Variants in EWSR1 observed in about 807,000 individuals in gnomAD.
EWSR1 encodes the protein RNA-binding protein EWS.
Under a neutral mutation model 92.1 loss-of-function variants are expected in EWSR1, and 14 were observed. That is an observed-to-expected ratio of 0.15 (90% CI 0.10 to 0.24). The LOEUF (loss-of-function observed/expected upper bound fraction) is 0.24, where lower values mean the gene tolerates loss of function less well. EWSR1 is among the 10% of genes least tolerant of loss of function. EWSR1 has a pLI of 1.00. For synonymous variants in EWSR1, 303 were observed against 292.9 expected (o/e 1.03, Z -0.35); for missense variants, 637 against 870.9 (o/e 0.73, Z 3.38).
chr22:29,289,510 C>T, intron 8 of EWSR1: 1 of 232,788 alleles, frequency 4.3e-6, no homozygotes, highest in Non-Finnish European at 8.5e-6. Context: ...CCTCCCTTCT[C>T]CCATCCCCTT....
intron 4 of EWSR1, chr22:29,276,874 A>T (rs2059163111): frequency 8.7e-6 from 2 of 230,522 alleles, no homozygotes; most frequent in Non-Finnish European, 1.7e-5. Context: ...GTGGTCTCTA[A>T]CTCCTAAACT....
intron 4 of EWSR1, chr22:29,277,668 C>T (rs1365167281): frequency 4.1e-6 from 1 of 245,666 alleles, no homozygotes; most frequent in African/African-American, 2.2e-5. Flanking sequence ...AGTTTGTTTA[C>T]AAACTTGTTA....
chr22:29,283,052 G>A (rs1012897609), intron 6 of EWSR1, among the ~76,000 whole-genome samples: 1 of 152,102 alleles, frequency 6.6e-6, no homozygotes, highest in African/African-American at 2.4e-5. Flanking sequence ...GTGAGCCACC[G>A]CACCCGGCCC....
At chr22:29,289,890 C>G (rs985657102) in intron 8 of EWSR1, 2 of 230,338 alleles carry the variant, frequency 8.7e-6, no homozygotes, top group Non-Finnish European at 1.7e-5. Context: ...TTTAATGATT[C>G]GGTATGAAGT....
chr22:29,270,046 C>CT (rs2058539085), intron 1 of EWSR1, among the ~76,000 whole-genome samples: 2 of 152,152 alleles, frequency 1.3e-5, no homozygotes, highest in African/African-American at 4.8e-5. Context: ...AGAAGTTAGG[C>CT]TAGACCTCTT....
Position 29,275,892 on chromosome 22 carries a change from GTTTTC to G in EWSR1, c.226+2033_226+2037del, listed in dbSNP as rs763698446. 3.7e-3 allele frequency: 849 copies of G among 227,108 alleles called. 2 individuals are homozygous for G. Among genetic ancestry groups the G allele is most frequent in the Non-Finnish European group, 5.2e-3 (606 of 115,988 alleles). The allele number at this position is 227,108 out of a possible 1,614,324, so 14.1% of individuals were successfully genotyped here. On this transcript the variant is annotated intron_variant, in intron 4 of 16. Coordinates refer to ENST00000397938, the MANE Select transcript of EWSR1 (RefSeq NM_005243.4). ...CAAGTTGTCAGCACATAGTAGGTGT[GTTTTC>G]TTTTTTTGCCACTGGTCTTTTGTTT...
rs761252899 is a variant in EWSR1, at chr22:29,299,230, G to A, written c.1581-4G>A. On this transcript the variant is annotated splice_region_variant and splice_polypyrimidine_tract_variant and intron_variant, in intron 14 of 16. Coordinates refer to ENST00000397938, the MANE Select transcript of EWSR1 (RefSeq NM_005243.4). The stretch of plus-strand genomic sequence containing the variant: ...GATTTCTGCTGTGATGTAATTGTAT[G>A]CAGGGGTTGTGGAAACCAGAACTTC... 1 of 1,614,074 alleles carries A rather than the reference G, an allele frequency of 6.2e-7. No homozygotes were observed. Among genetic ancestry groups the A allele is most frequent in the African/African-American group, 1.3e-5 (1 of 75,030 alleles).
Position 29,292,837 on chromosome 22 carries a change from C to T in EWSR1, c.1164+231C>T, listed in dbSNP as rs1351960191. On this transcript the variant is annotated intron_variant, in intron 11 of 16. Transcript: ENST00000397938. ...TGGAGTGCAATGGCGCAAGTCTTGGCTCACTGCAACCTCTGTTCAAGCGAA... is the reference window on the plus strand; with the variant it reads ...TGGAGTGCAATGGCGCAAGTCTTGGTTCACTGCAACCTCTGTTCAAGCGAA... 3.4e-5 allele frequency among the ~76,000 whole-genome samples: 5 copies of T among 145,424 alleles called. 1 individual carries two copies. The highest frequency in any genetic ancestry group is 4.3e-4 in the South Asian group (2 of 4,674).
At chr22:29,289,166 C>G (rs2060261000) in intron 8 of EWSR1, 1 of 247,804 alleles carries the variant, frequency 4.0e-6, no homozygotes, top group South Asian at 1.6e-4. Flanking sequence ...TCTTGAAATA[C>G]CTGGTGTATA....
chr22:29,276,651 G>T, intron 4 of EWSR1: 1 of 224,348 alleles, frequency 4.5e-6, no homozygotes. Context: ...GGATATAAAT[G>T]CCAGCACCTA....
intron 15 of EWSR1, 48 bp downstream of exon 15, chr22:29,299,379 C>T (rs765598352): frequency 2.5e-6 from 4 of 1,577,594 alleles, no homozygotes; most frequent in East Asian, 2.3e-5. Context: ...GGTGCTAAAC[C>T]TCTTTTCTTA....
intron 5 of EWSR1, among the ~76,000 whole-genome samples, chr22:29,281,389 C>T (rs1317505328): frequency 1.6e-5 from 1 of 63,542 alleles, no homozygotes; most frequent in Non-Finnish European, 2.9e-5. Flanking sequence ...CTGCAGCCTT[C>T]ACCTCCCATG....
rs1285654679 is a variant in EWSR1 at position 29,300,359 on chromosome 22, CCTT to C, written c.*202_*204del. On this transcript the variant is annotated 3_prime_UTR_variant, in exon 17 of 17. Transcript: ENST00000397938. ...GTAGTGTGCGGAGTTTTTTTTTCTT[CCTT>C]CTTTTAAAAATGGTTGTTTAAGACT... 9.4e-6 allele frequency: 5 copies of C among 533,914 alleles called. No individual in the cohort carries two copies. The highest frequency in any genetic ancestry group is 3.6e-5 in the Admixed American group (1 of 28,126). The allele number at this position is 533,914 out of a possible 1,614,324, so 33.1% of individuals were successfully genotyped here.
intron 7 of EWSR1, among the ~76,000 whole-genome samples, chr22:29,287,423 G>C (rs2060128531): frequency 6.6e-6 from 1 of 152,146 alleles, no homozygotes. Context: ...GGTCAGGCTG[G>C]TCTCGAACTC....
Position 29,283,995 on chromosome 22 carries a change from C to T in EWSR1, c.581+1438C>T, listed in dbSNP as rs968299901. On this transcript the variant is annotated intron_variant, in intron 6 of 16. Transcript: ENST00000397938. ...GATTAGATACAGACGCCACCACAAC[C>T]GGCTAATTTTGTATTTTTAGTAGAG... Among the ~76,000 whole-genome samples the T allele has an allele frequency of 2.0e-5, 3 of 151,086 alleles. 1 individual carries two copies. Among genetic ancestry groups the T allele is most frequent in the Admixed American group, 1.3e-4 (2 of 15,238 alleles).
chr22:29,274,229 G>A (rs1336133162), intron 4 of EWSR1: 1 of 1,611,908 alleles, frequency 6.2e-7, no homozygotes, highest in African/African-American at 1.3e-5. Flanking sequence ...TCATCTGATA[G>A]TGTACCCTCT....
intron 9 of EWSR1, chr22:29,291,897 G>A: frequency 3.5e-6 from 2 of 575,206 alleles, no homozygotes; most frequent in Non-Finnish European, 6.1e-6. Context: ...TGGCACATAA[G>A]CATTGAGAGT....
intron 3 of EWSR1, 128 bp from the exon 4 acceptor site, chr22:29,273,613 T>G: frequency 9.6e-7 from 1 of 1,047,040 alleles, no homozygotes; most frequent in Non-Finnish European, 1.4e-6. Flanking sequence ...TTTTGTTGTT[T>G]TTGTTTTGTT....
chr22:29,278,297 GT>G, intron 5 of EWSR1, 81 bp downstream of exon 5: 1 of 1,382,630 alleles, frequency 7.2e-7, no homozygotes, highest in Non-Finnish European at 9.8e-7. Context: ...ATAATCTGTG[GT>G]TTAGTTCCTT....
Sources: allele counts gnomAD v4.1 joint callset (sites outside exome capture counted in the v4.1 genomes callset), GRCh38; gene constraint gnomAD v4.1.1; transcripts MANE v1.5; gene names NCBI Gene and HGNC (gene_info 2026-07-23, HGNC 2026-07-21).